Variants in ZBTB20 observed in about 807,000 individuals in gnomAD.
ZBTB20 encodes the protein zinc finger and BTB domain containing 20.
In ZBTB20, 9 loss-of-function variants were observed where a neutral mutation model predicts 56.9. That is an observed-to-expected ratio of 0.16 (90% confidence interval 0.10 to 0.28). The LOEUF (loss-of-function observed/expected upper bound fraction) is 0.28. Ranked by LOEUF, ZBTB20 falls within the 10% of genes least tolerant of loss-of-function variation. The pLI is 1.00. For missense variants in ZBTB20, 655 were observed against 1,003.0 expected (o/e 0.65, Z 4.69); for synonymous variants, 417 against 420.7 (o/e 0.99, Z 0.11).
chr3:115,008,201 T>C (rs968126606), intron 2 of ZBTB20, among the ~76,000 whole-genome samples: 1 of 151,904 alleles, frequency 6.6e-6, no homozygotes, highest in Non-Finnish European at 1.5e-5. Context: ...CATAGATACT[T>C]CAACTTATGA....
chr3:114,712,111 T>G (rs1560157442), intron 5 of ZBTB20, among the ~76,000 whole-genome samples: 1 of 152,206 alleles, frequency 6.6e-6, no homozygotes, highest in Non-Finnish European at 1.5e-5. Flanking sequence ...GATTATCAGA[T>G]GTTAGGTGAT....
chr3:114,840,949 T>A (rs1383722481), intron 4 of ZBTB20, among the ~76,000 whole-genome samples: 1 of 152,192 alleles, frequency 6.6e-6, no homozygotes, highest in Non-Finnish European at 1.5e-5. Context: ...AAATTAAAAA[T>A]TTTAAAAAGT....
chr3:114,609,968 G>GGC (rs2057432455), intron 6 of ZBTB20, among the ~76,000 whole-genome samples: 1 of 152,204 alleles, frequency 6.6e-6, no homozygotes, highest in Non-Finnish European at 1.5e-5. Context: ...AGTGACCAGA[G>GGC]CTAGCCTCCC....
chr3:114,501,834 G>A (rs2044024763), intron 6 of ZBTB20, among the ~76,000 whole-genome samples: 1 of 149,266 alleles, frequency 6.7e-6, no homozygotes, highest in African/African-American at 2.5e-5. Flanking sequence ...TCAGCCTCCT[G>A]AGTAGCTGGG....
chr3:114,770,570 T>G (rs2069125448), intron 5 of ZBTB20, among the ~76,000 whole-genome samples: 1 of 152,098 alleles, frequency 6.6e-6, no homozygotes, highest in Non-Finnish European at 1.5e-5. Context: ...TAAATGCCAA[T>G]TGTTATGTTC....
At chr3:114,577,701 A>C (rs1349166295) in intron 6 of ZBTB20, among the ~76,000 whole-genome samples, 1 of 152,188 alleles carries the variant, frequency 6.6e-6, no homozygotes, top group Non-Finnish European at 1.5e-5. Flanking sequence ...CGAGGCTACA[A>C]AAATTTGGCC....
At chr3:114,846,332 T>G (rs2074703661) in intron 4 of ZBTB20, among the ~76,000 whole-genome samples, 1 of 152,202 alleles carries the variant, frequency 6.6e-6, no homozygotes, top group Non-Finnish European at 1.5e-5. Context: ...GATACAATTC[T>G]AAAGAGTTTG....
chr3:114,561,781 C>T (rs1028439694), intron 6 of ZBTB20, among the ~76,000 whole-genome samples: 1 of 152,004 alleles, frequency 6.6e-6, no homozygotes, highest in African/African-American at 2.4e-5. Flanking sequence ...TTACCTGCTG[C>T]ACCAGCTCCT....
At chr3:114,936,075 C>G (rs192535058) in intron 3 of ZBTB20, among the ~76,000 whole-genome samples, 2 of 151,868 alleles carry the variant, frequency 1.3e-5, no homozygotes, top group East Asian at 3.9e-4. Context: ...TGATAGGAAT[C>G]AGATGATCAG....
intron 3 of ZBTB20, chr3:114,930,765 G>T: frequency 3.6e-6 from 1 of 275,972 alleles, no homozygotes; most frequent in South Asian, 4.6e-5. Context: ...TTGTACAGCA[G>T]AATACCATAC....
chr3:114,716,255 C>T (rs1306259483), intron 5 of ZBTB20, among the ~76,000 whole-genome samples: 7 of 152,086 alleles, frequency 4.6e-5, no homozygotes, highest in South Asian at 2.1e-4. Context: ...AGAATGATGC[C>T]CATTTCCCTA....
chr3:114,968,147 T>G (rs976363323), intron 3 of ZBTB20, among the ~76,000 whole-genome samples: 9 of 152,114 alleles, frequency 5.9e-5, no homozygotes, highest in Non-Finnish European at 1.2e-4. Context: ...ATATATTATA[T>G]ATAGATACAT....
Position 114,822,213 on chromosome 3 carries a change from G to A in ZBTB20, c.-416-21039C>T, listed in dbSNP as rs140858266. Among the ~76,000 whole-genome samples the A allele has an allele frequency of 9.5e-4, 144 of 152,186 alleles. 1 individual carries two copies. Among genetic ancestry groups the A allele is most frequent in the East Asian group, 5.2e-3 (27 of 5,170 alleles). On this transcript the variant is annotated intron_variant, in intron 4 of 11. Coordinates refer to ENST00000675478, the MANE Select transcript of ZBTB20 (RefSeq NM_001348800.3). ...TTGTATGGCACTTGCAGATTTCAAG[G>A]TAGAGCAGTAAAATTTAATATAATC...
intron 9 of ZBTB20, among the ~76,000 whole-genome samples, 182 bp from the exon 10 acceptor site, chr3:114,380,586 T>C (rs1192400657): frequency 2.6e-5 from 4 of 152,010 alleles, no homozygotes; most frequent in Non-Finnish European, 5.9e-5. Flanking sequence ...ATGGCCTAAC[T>C]GGGAACACAT....
At chr3:114,954,575 A>G (rs187352144) in intron 3 of ZBTB20, among the ~76,000 whole-genome samples, 27 of 152,310 alleles carry the variant, frequency 1.8e-4, no homozygotes, top group Non-Finnish European at 3.5e-4. Flanking sequence ...AGAAAGTCCT[A>G]CCTTAGATAG....
chr3:114,627,861 C>A (rs112883240), intron 6 of ZBTB20, among the ~76,000 whole-genome samples: 1 of 152,106 alleles, frequency 6.6e-6, no homozygotes, highest in African/African-American at 2.4e-5. Context: ...ATGCTGAATT[C>A]TTCTATGTTC....
Position 114,753,432 on chromosome 3 carries a change from T to TATATATAC in ZBTB20, c.-343+47668_-343+47669insGTATATAT, listed in dbSNP as rs1205435166. 9.4e-3 allele frequency among the ~76,000 whole-genome samples: 407 copies of TATATATAC among 43,528 alleles called. 138 individuals carry two copies. The highest frequency in any genetic ancestry group is 0.019 in the South Asian group (23 of 1,218). 28.6% of individuals were successfully genotyped at this position (43,528 alleles called of 152,430 possible). On this transcript the variant is annotated intron_variant, in intron 5 of 11. Coordinates refer to ENST00000675478, the MANE Select transcript of ZBTB20 (RefSeq NM_001348800.3). Reference sequence around the variant, plus strand: ...ACACACGTATATATATATATATATATACACACACACTTTTTTTTTTGAGAC... The same window carrying TATATATAC: ...ACACACGTATATATATATATATATATATATATACACACACACACTTTTTTTTTTGAGAC...
intron 6 of ZBTB20, among the ~76,000 whole-genome samples, chr3:114,670,781 A>AAATGGG (rs1460803284): frequency 6.6e-6 from 1 of 152,160 alleles, no homozygotes; most frequent in Non-Finnish European, 1.5e-5. Flanking sequence ...TTAAGTGTAA[A>AAATGGG]AATGGGTGGT....
chr3:114,658,839 C>A (rs773520366), intron 6 of ZBTB20: 1 of 152,164 alleles, frequency 6.6e-6, no homozygotes, highest in Non-Finnish European at 1.5e-5. Context: ...AACCATCTAC[C>A]CTTCCACCAG....
Sources: allele counts gnomAD v4.1 joint callset (sites outside exome capture counted in the v4.1 genomes callset), GRCh38; gene constraint gnomAD v4.1.1; transcripts MANE v1.5; gene names NCBI Gene and HGNC (gene_info 2026-07-23, HGNC 2026-07-21).